The following PRKG1 variants were observed in gnomAD, a reference collection of about 807,000 sequenced individuals.
The protein encoded by PRKG1 is cGMP-dependent protein kinase 1.
PRKG1 carries 35 observed loss-of-function variants against 88.1 expected under a neutral mutation model. The ratio of observed to expected loss-of-function variants is 0.40; its 90% CI spans 0.30 to 0.53. The LOEUF is 0.53. Ranked by LOEUF, PRKG1 falls within the 20% of genes least tolerant of loss-of-function variation. The pLI, the probability that PRKG1 is intolerant of heterozygous loss-of-function variation, is 0.59. For synonymous variants in PRKG1, 303 were observed against 292.5 expected (o/e 1.04, Z -0.37); for missense variants, 540 against 839.8 (o/e 0.64, Z 4.41).
chr10:51,309,480 A>G (rs1187420415), intron 2 of PRKG1, among the ~76,000 whole-genome samples: 2 of 152,212 alleles, frequency 1.3e-5, no homozygotes, highest in Non-Finnish European at 2.9e-5. Context: ...ATGGTCAGCA[A>G]GCATATGAAA....
chr10:51,004,357 G>A (rs1589101656), intron 1 of PRKG1, among the ~76,000 whole-genome samples: 1 of 152,150 alleles, frequency 6.6e-6, no homozygotes, highest in East Asian at 1.9e-4. Context: ...TATTGGACAG[G>A]CTGAGGCAGG....
In PRKG1 at chr10:50,991,310, A is replaced by AGCCGCCGCCGCCGCCGCCGCCGCC. The variant is rs79957958; in HGVS notation, c.-59_-36dup. ...GCTCTCCGCTGCCGGCTGCCGTCCC[A>AGCCGCCGCCGCCGCCGCCGCCGCC]GCCGCCGCCGCCGCCGCCGCCGCCG... is the stretch of plus-strand genomic sequence containing the variant. On this transcript the variant is annotated 5_prime_UTR_variant, in exon 1 of 18. Transcript: ENST00000401604. This position sits in a 1 kb window ranked among gnomAD's most constrained non-coding sequence, Gnocchi z 4.5. 27 of 1,396,926 alleles carry AGCCGCCGCCGCCGCCGCCGCCGCC rather than the reference A, an allele frequency of 1.9e-5. No individual in the cohort carries two copies. The highest frequency in any genetic ancestry group is 7.0e-5 in the South Asian group (5 of 71,826). The allele number at this position is 1,396,926 out of a possible 1,614,324, so 86.5% of individuals were successfully genotyped here. A position where few individuals can be genotyped will look rare whatever the true frequency, so the allele number is the denominator to read the frequency against.
At chr10:51,471,838 T>A (rs903809222) in intron 3 of PRKG1, among the ~76,000 whole-genome samples, 9 of 151,872 alleles carry the variant, frequency 5.9e-5, no homozygotes, top group Admixed American at 1.3e-4. Flanking sequence ...CAGGAAAACA[T>A]CTTGGTGCCT....
At chr10:51,010,204 G>A (rs1359382632) in intron 1 of PRKG1, among the ~76,000 whole-genome samples, 1 of 152,220 alleles carries the variant, frequency 6.6e-6, no homozygotes, top group Non-Finnish European at 1.5e-5. Context: ...GCAGAAAAGC[G>A]AATTCTACTA....
intron 1 of PRKG1, among the ~76,000 whole-genome samples, chr10:51,016,226 A>G (rs1185445161): frequency 2.0e-5 from 3 of 152,056 alleles, no homozygotes; most frequent in Non-Finnish European, 2.9e-5. Context: ...CTCCTCTTTC[A>G]TTTTTCAGTC....
intron 3 of PRKG1, among the ~76,000 whole-genome samples, chr10:51,565,930 T>C (rs1398171295): frequency 1.3e-5 from 2 of 152,132 alleles, no homozygotes; most frequent in Non-Finnish European, 2.9e-5. Context: ...TCTTTCAAAC[T>C]GGGTTCTGAA....
At chr10:51,585,550 G>A (rs930683563) in intron 3 of PRKG1, among the ~76,000 whole-genome samples, 4 of 151,926 alleles carry the variant, frequency 2.6e-5, no homozygotes, top group Admixed American at 6.6e-5. Flanking sequence ...CATTTTCTGC[G>A]AATTCCAGGA....
Position 51,920,353 on chromosome 10 carries a change from G to A in PRKG1, c.762+12783G>A, listed in dbSNP as rs116838155. Among the ~76,000 whole-genome samples the A allele has an allele frequency of 5.2e-3, 789 of 152,190 alleles. 5 individuals are homozygous for A. Among genetic ancestry groups the A allele is most frequent in the African/African-American group, 0.017 (715 of 41,536 alleles). On this transcript the variant is annotated intron_variant, in intron 5 of 17. Coordinates refer to ENST00000373980, the MANE Select transcript of PRKG1 (RefSeq NM_006258.4). ...TTGATTTTCCAGTATAAGGCCCCGG[G>A]GAGAGAGCTGAACTGTTGTCAGTTA...
chr10:51,357,800 T>C (rs537389892), intron 2 of PRKG1, among the ~76,000 whole-genome samples: 57 of 151,932 alleles, frequency 3.8e-4, no homozygotes, highest in Non-Finnish European at 6.8e-4. Context: ...ATCTAGAAGT[T>C]ACCTAAATGA....
chr10:51,381,137 G>T (rs1040857263), intron 2 of PRKG1, among the ~76,000 whole-genome samples: 1 of 151,274 alleles, frequency 6.6e-6, no homozygotes, highest in African/African-American at 2.4e-5. Flanking sequence ...CACACCTGTA[G>T]TCCCAGCTAC....
chr10:51,645,606 G>T (rs575395210), intron 3 of PRKG1, among the ~76,000 whole-genome samples: 38 of 152,144 alleles, frequency 2.5e-4, no homozygotes, highest in Non-Finnish European at 4.0e-4. Context: ...TAATAGCTAT[G>T]TCATGATGTT....
intron 5 of PRKG1, among the ~76,000 whole-genome samples, chr10:52,039,382 G>A (rs1845700127): frequency 6.6e-6 from 1 of 152,112 alleles, no homozygotes; most frequent in South Asian, 2.1e-4. Context: ...ACAAGGTAAT[G>A]TCATCACTTA....
intron 3 of PRKG1, among the ~76,000 whole-genome samples, chr10:51,598,670 G>A (rs1439701225): frequency 6.6e-6 from 1 of 152,154 alleles, no homozygotes; most frequent in African/African-American, 2.4e-5. Context: ...GTGGTCCCAG[G>A]CTATATGATG....
In PRKG1 at chr10:51,161,560, TAA is replaced by T. The variant is rs1366965520; in HGVS notation, c.478+8234_478+8235del. On this transcript the variant is annotated intron_variant, in intron 2 of 17. Transcript: ENST00000373980. ...CTTATTTTGGAAGCTTCCTGAAAGC[TAA>T]AAAGTTTGAAAATTGCTGTACTTGT... Among the ~76,000 whole-genome samples, 12 of 152,332 alleles carry T rather than the reference TAA, an allele frequency of 7.9e-5. No homozygotes were observed. The East Asian group carries it at 2.3e-3, about 29-fold the overall frequency.
At chr10:51,764,141 T>C (rs1037919824) in intron 3 of PRKG1, among the ~76,000 whole-genome samples, 2 of 152,184 alleles carry the variant, frequency 1.3e-5, no homozygotes, top group African/African-American at 4.8e-5. Flanking sequence ...TCCTTCAGGA[T>C]TACAGGCTTT....
At chr10:51,313,916 C>A (rs954153838) in intron 2 of PRKG1, among the ~76,000 whole-genome samples, 3 of 152,080 alleles carry the variant, frequency 2.0e-5, no homozygotes, top group Non-Finnish European at 4.4e-5. Context: ...AAACATTTTT[C>A]TGAATAGTTT....
At chr10:51,994,857 A>G (rs1205277472) in intron 5 of PRKG1, among the ~76,000 whole-genome samples, 3 of 152,180 alleles carry the variant, frequency 2.0e-5, no homozygotes, top group Non-Finnish European at 4.4e-5. Context: ...TATCACCTTG[A>G]CAAAGAAAGA....
At chr10:51,524,472 G>T (rs7909735) in intron 3 of PRKG1, among the ~76,000 whole-genome samples, 37,940 of 152,130 alleles carry the variant, frequency 0.25, 5,046 homozygotes, top group Admixed American at 0.32. Flanking sequence ...GGGTATGTCT[G>T]TGTAGCAATA....
chr10:51,956,468 A>T (rs1483169394), intron 5 of PRKG1, among the ~76,000 whole-genome samples: 1 of 152,064 alleles, frequency 6.6e-6, no homozygotes, highest in Non-Finnish European at 1.5e-5. Flanking sequence ...GAATCTGCCC[A>T]ATTGATACTT....
Sources: allele counts gnomAD v4.1 joint callset (sites outside exome capture counted in the v4.1 genomes callset), GRCh38; gene constraint gnomAD v4.1.1; non-coding constraint Gnocchi (gnomAD v3.1); transcripts MANE v1.5; gene names NCBI Gene and HGNC (gene_info 2026-07-23, HGNC 2026-07-21).